The following LRP1B variants were observed in gnomAD, a reference collection of about 807,000 sequenced individuals.
LRP1B encodes low-density lipoprotein receptor-related protein 1B.
A neutral mutation model predicts 556.6 loss-of-function variants in LRP1B; 217 were observed. The observed-to-expected ratio is 0.39, with a 90% CI of 0.35 to 0.44. The LOEUF (loss-of-function observed/expected upper bound fraction) is 0.44, where lower values mean the gene tolerates loss of function less well. Ranked by LOEUF, LRP1B falls within the 20% of genes least tolerant of loss-of-function variation. LRP1B has a pLI of 1.00. For synonymous variants in LRP1B, 2,047 were observed against 1,865.8 expected (o/e 1.10, Z -2.50); for missense variants, 5,053 against 5,620.8 (o/e 0.90, Z 3.23).
At chr2:140,324,725 T>A (rs1388536181) in intron 80 of LRP1B, among the ~76,000 whole-genome samples, 2 of 152,000 alleles carry the variant, frequency 1.3e-5, no homozygotes, top group Non-Finnish European at 2.9e-5. Flanking sequence ...AAAACGACAT[T>A]TATATTTTAC....
At chr2:140,755,628 T>G (rs1688719663) in intron 35 of LRP1B, among the ~76,000 whole-genome samples, 1 of 152,026 alleles carries the variant, frequency 6.6e-6, no homozygotes, top group East Asian at 1.9e-4. Flanking sequence ...ATACACTCCT[T>G]CATGATAAGA....
chr2:141,337,656 C>G lies in LRP1B; in HGVS notation c.344-83015G>C, dbSNP rs149334668. Among the ~76,000 whole-genome samples, 885 of 152,196 alleles carry G rather than the reference C, an allele frequency of 5.8e-3. 8 individuals carry two copies. Among genetic ancestry groups the G allele is most frequent in the African/African-American group, 0.02 (822 of 41,534 alleles). Reference sequence around the variant, plus strand: ...ATTTTGCCCAGGTTATAATTCTTTCCTCTGTCAACTTCATTTTGCTATTAA... The same window carrying G: ...ATTTTGCCCAGGTTATAATTCTTTCGTCTGTCAACTTCATTTTGCTATTAA... On this transcript the variant is annotated intron_variant, in intron 3 of 90. Coordinates refer to ENST00000389484, the MANE Select transcript of LRP1B (RefSeq NM_018557.3).
intron 86 of LRP1B, among the ~76,000 whole-genome samples, chr2:140,250,043 T>C (rs1166403152): frequency 1.3e-5 from 2 of 151,874 alleles, no homozygotes; most frequent in African/African-American, 4.8e-5. Context: ...CATGTGCTGG[T>C]CATCTTTAAT....
intron 35 of LRP1B, among the ~76,000 whole-genome samples, chr2:140,723,193 G>A (rs553441938): frequency 6.6e-6 from 1 of 152,274 alleles, no homozygotes; most frequent in Non-Finnish European, 1.5e-5. Context: ...TATAAAAGGT[G>A]TATATTTTGG....
chr2:141,326,255 T>A (rs892003069), intron 3 of LRP1B, among the ~76,000 whole-genome samples: 3 of 152,142 alleles, frequency 2.0e-5, no homozygotes, highest in African/African-American at 7.2e-5. Context: ...GCGATGTAAG[T>A]GATTTGATAA....
At chr2:141,058,164 G>A (rs1347913502) in intron 9 of LRP1B, among the ~76,000 whole-genome samples, 1 of 151,646 alleles carries the variant, frequency 6.6e-6, no homozygotes, top group Non-Finnish European at 1.5e-5. Context: ...CTCTAATAAG[G>A]CCATCTACAG....
chr2:141,227,227 A>G (rs1482166103), intron 6 of LRP1B, among the ~76,000 whole-genome samples: 1 of 152,212 alleles, frequency 6.6e-6, no homozygotes, highest in Non-Finnish European at 1.5e-5. Flanking sequence ...TTATTAGGGC[A>G]TATTAAGTGT....
intron 1 of LRP1B, among the ~76,000 whole-genome samples, chr2:141,839,179 G>C (rs1007079547): frequency 6.6e-6 from 1 of 152,148 alleles, no homozygotes; most frequent in African/African-American, 2.4e-5. Context: ...ATCCAAAATT[G>C]TGTTTCCTAT....
chr2:142,129,632 T>TC (rs1707780676), intron 1 of LRP1B, among the ~76,000 whole-genome samples: 2 of 138,048 alleles, frequency 1.4e-5, no homozygotes, highest in African/African-American at 5.4e-5. Flanking sequence ...CTCTCTCTCT[T>TC]ATTTAAACTA....
At chr2:142,016,841 T>TATATATATACACACAC (rs1703152284) in intron 1 of LRP1B, among the ~76,000 whole-genome samples, 1 of 149,618 alleles carries the variant, frequency 6.7e-6, no homozygotes, top group African/African-American at 2.4e-5. Flanking sequence ...TATTTATATG[T>TATATATATACACACAC]ATATATGTAT....
intron 2 of LRP1B, among the ~76,000 whole-genome samples, chr2:141,563,778 A>G (rs1020885125): frequency 5.3e-5 from 8 of 152,086 alleles, no homozygotes; most frequent in African/African-American, 1.9e-4. Flanking sequence ...AGGAACAGAA[A>G]ACCAAATACA....
chr2:141,773,828 T>C (rs1472903285), intron 2 of LRP1B, among the ~76,000 whole-genome samples: 1 of 152,246 alleles, frequency 6.6e-6, no homozygotes, highest in Non-Finnish European at 1.5e-5. Flanking sequence ...GTTATGCGTG[T>C]GCAATCAAGT....
chr2:140,759,517 A>G (rs1030271479), intron 35 of LRP1B, among the ~76,000 whole-genome samples: 4 of 152,330 alleles, frequency 2.6e-5, no homozygotes, highest in African/African-American at 7.2e-5. Flanking sequence ...TCTTTAACAC[A>G]GCCTTTGATA....
chr2:140,884,052 C>A (rs374933692), intron 24 of LRP1B, 31 bp from the exon 25 acceptor site: 11 of 1,593,900 alleles, frequency 6.9e-6, no homozygotes, highest in Non-Finnish European at 8.6e-6. Flanking sequence ...ACATGTGCAC[C>A]CATTCAAGGA....
intron 2 of LRP1B, among the ~76,000 whole-genome samples, chr2:141,505,246 C>T (rs1027234929): frequency 6.6e-6 from 1 of 151,604 alleles, no homozygotes; most frequent in Admixed American, 6.6e-5. Context: ...ATCTCCTGCT[C>T]CCTGTAACCA....
At chr2:141,529,181 G>T (rs1684790844) in intron 2 of LRP1B, among the ~76,000 whole-genome samples, 1 of 152,158 alleles carries the variant, frequency 6.6e-6, no homozygotes. Context: ...GACCATTAAA[G>T]ATACAAAGAC....
Position 140,702,430 on chromosome 2 carries a change from A to C in LRP1B, c.6147T>G (p.Tyr2049Ter), listed in dbSNP as rs533662321. Reference sequence around the variant, plus strand: ...ACTGAAAAGAAATCCAACAGACCTCATAGTCGATGGAGATGCCATTCGGCC... The same window carrying C: ...ACTGAAAAGAAATCCAACAGACCTCCTAGTCGATGGAGATGCCATTCGGCC... The part of the protein sequence containing the change: ...IAWPNGISID[Y>*]EENKLYWCDA... Residue 2049 changes from tyrosine to a stop codon, truncating the protein, a stop_gained, in exon 38 of 91, where the codon TAT becomes TAG. Coordinates refer to ENST00000389484, the MANE Select transcript of LRP1B (RefSeq NM_018557.3). LOFTEE classifies it high-confidence loss of function. 1 of 1,613,482 alleles carries C rather than the reference A, an allele frequency of 6.2e-7. No homozygotes were observed.
intron 1 of LRP1B, among the ~76,000 whole-genome samples, chr2:142,055,171 G>T (rs1900934): frequency 0.6 from 91,217 of 151,678 alleles, 28,733 homozygotes; most frequent in East Asian, 0.69. Context: ...AGAGGAGGAG[G>T]AATAAACAGA....
chr2:140,508,274 G>T (rs1043523071), intron 52 of LRP1B, among the ~76,000 whole-genome samples: 6 of 151,808 alleles, frequency 4.0e-5, no homozygotes, highest in Non-Finnish European at 8.8e-5. Context: ...ATTTCCTGAG[G>T]CATTTTACAT....
Sources: gnomAD v4.1 joint callset for allele counts (sites outside exome capture counted in the v4.1 genomes callset) on GRCh38, gnomAD v4.1.1 for gene constraint, MANE v1.5 for transcripts, NCBI Gene and HGNC (gene_info 2026-07-23, HGNC 2026-07-21) for gene names.